The following SLC25A24 variants were observed in gnomAD, a reference collection of about 807,000 sequenced individuals.
SLC25A24 encodes solute carrier family 25 member 24.
In SLC25A24, 49 loss-of-function variants were observed where a neutral mutation model predicts 60.7. The observed-to-expected ratio is 0.81, with a 90% CI of 0.64 to 1.02. The LOEUF is 1.02. Among genes scored for constraint, SLC25A24 ranks in the 50% least tolerant of loss-of-function variants. The pLI is 0.00. For synonymous variants in SLC25A24, 202 were observed against 200.6 expected (o/e 1.01, Z -0.06); for missense variants, 564 against 586.3 (o/e 0.96, Z 0.39).
At chr1:108,183,578 T>C (rs1481253609) in intron 2 of SLC25A24, among the ~76,000 whole-genome samples, 1 of 152,200 alleles carries the variant, frequency 6.6e-6, no homozygotes, top group Non-Finnish European at 1.5e-5. Context: ...CCTCATTTAA[T>C]GTGTGCTGTT....
chr1:108,194,696 A>G (rs1023628884), intron 1 of SLC25A24, among the ~76,000 whole-genome samples: 3 of 152,254 alleles, frequency 2.0e-5, no homozygotes, highest in East Asian at 1.9e-4. Flanking sequence ...CCTACTTACT[A>G]TAGGGAGGGT....
At chr1:108,166,365 C>G (rs1680252525) in intron 3 of SLC25A24, among the ~76,000 whole-genome samples, 1 of 151,824 alleles carries the variant, frequency 6.6e-6, no homozygotes, top group Admixed American at 6.6e-5. Flanking sequence ...GGGAAGTTCT[C>G]CTGGATAATA....
rs829002 is a variant in SLC25A24 at position 108,157,694 on chromosome 1, G to C, written c.511-74C>G. The stretch of plus-strand genomic sequence containing the variant: ...CCAGAAGACGTTTTGTTTTAGAGAA[G>C]AATCATGTTATTTTACAGTTAATAT... On this transcript the variant is annotated intron_variant, in intron 4 of 9. Coordinates refer to ENST00000565488, the MANE Select transcript of SLC25A24 (RefSeq NM_013386.5). 301,223 of 1,496,018 alleles carry C rather than the reference G, an allele frequency of 0.2. 31,376 individuals are homozygous for C. The highest frequency in any genetic ancestry group is 0.22 in the Middle Eastern group (1,188 of 5,400). 92.7% of individuals were successfully genotyped at this position (1,496,018 alleles called of 1,614,324 possible).
At chr1:108,140,016 G>A (rs1679402389) in intron 8 of SLC25A24, among the ~76,000 whole-genome samples, 1 of 151,874 alleles carries the variant, frequency 6.6e-6, no homozygotes, top group Non-Finnish European at 1.5e-5. Context: ...GCAATAATTA[G>A]GAGAAACTGT....
chr1:108,146,679 G>A (rs914381119), intron 7 of SLC25A24, among the ~76,000 whole-genome samples: 2 of 152,134 alleles, frequency 1.3e-5, no homozygotes, highest in African/African-American at 2.4e-5. Context: ...ATAATCATGC[G>A]GTTTTTGTCA....
At chr1:108,175,784 G>T (rs1160319195) in intron 3 of SLC25A24, among the ~76,000 whole-genome samples, 8 of 152,118 alleles carry the variant, frequency 5.3e-5, no homozygotes, top group Non-Finnish European at 1.2e-4. Flanking sequence ...TTGCTGCTGG[G>T]ATTATAAAAT....
intron 8 of SLC25A24, among the ~76,000 whole-genome samples, chr1:108,141,613 C>T (rs1381498704): frequency 1.3e-5 from 2 of 152,090 alleles, no homozygotes; most frequent in African/African-American, 4.8e-5. Flanking sequence ...TAGAAACAAT[C>T]CAAATGTCCA....
chr1:108,156,859 G>C (rs779412090), intron 5 of SLC25A24, among the ~76,000 whole-genome samples: 68 of 152,190 alleles, frequency 4.5e-4, no homozygotes, highest in Non-Finnish European at 6.9e-4. Context: ...TAAAGGAAAA[G>C]TCAATTCTCT....
intron 1 of SLC25A24, among the ~76,000 whole-genome samples, chr1:108,188,613 T>A (rs1022814138): frequency 3.3e-5 from 5 of 152,230 alleles, no homozygotes; most frequent in African/African-American, 1.2e-4. Context: ...AGGGGCTTGC[T>A]GCCCGATGAA....
At chr1:108,147,269 A>G (rs961718698) in intron 7 of SLC25A24, among the ~76,000 whole-genome samples, 1 of 152,002 alleles carries the variant, frequency 6.6e-6, no homozygotes, top group Non-Finnish European at 1.5e-5. Flanking sequence ...TATCCCCTTT[A>G]TCATTTTTTA....
intron 6 of SLC25A24, 71 bp downstream of exon 6, chr1:108,154,912 T>C: frequency 2.6e-6 from 3 of 1,174,928 alleles, no homozygotes; most frequent in South Asian, 2.9e-5. Context: ...AAAAGCATTA[T>C]ACATTAACAT....
At chr1:108,182,705 T>C (rs1571306047) in intron 2 of SLC25A24, among the ~76,000 whole-genome samples, 1 of 151,986 alleles carries the variant, frequency 6.6e-6, no homozygotes, top group South Asian at 2.1e-4. Context: ...TGGTGGCAGG[T>C]GCCCATAATC....
intron 6 of SLC25A24, among the ~76,000 whole-genome samples, chr1:108,148,986 T>C (rs779528642): frequency 3.3e-5 from 5 of 152,212 alleles, no homozygotes; most frequent in South Asian, 2.1e-4. Context: ...GTCTCCCAGA[T>C]TGGACCAAGT....
rs761717059 is a variant in SLC25A24, at chr1:108,139,119, G to A, written c.1188C>T (p.Ser396=). 4.2e-5 allele frequency: 68 copies of A among 1,610,630 alleles called. No homozygotes were observed. Among genetic ancestry groups the A allele is most frequent in the Non-Finnish European group, 5.5e-5 (65 of 1,178,486 alleles). ...MVLLGCGALS[S]TCGQLASYPL... ...GGTAGCTGGCCAGCTGACCACAGGT[G>A]CTGGATAAGGCACCGCATCCCAGCA... The change falls in exon 9 of 10, where the codon AGC becomes AGT. Residue 396 remains serine (S), a synonymous_variant. Coordinates refer to ENST00000565488, the MANE Select transcript of SLC25A24 (RefSeq NM_013386.5).
At chr1:108,190,255 A>T (rs1648302702) in intron 1 of SLC25A24, among the ~76,000 whole-genome samples, 1 of 152,182 alleles carries the variant, frequency 6.6e-6, no homozygotes, top group Non-Finnish European at 1.5e-5. Flanking sequence ...GTTCATTAGA[A>T]ACGCGGCACC....
chr1:108,150,787 A>G (rs1679734677), intron 6 of SLC25A24, among the ~76,000 whole-genome samples: 1 of 151,306 alleles, frequency 6.6e-6, no homozygotes, highest in African/African-American at 2.5e-5. Flanking sequence ...CCCTTTCCCT[A>G]CACACAAACT....
chr1:108,161,845 G>A (rs983876320), intron 3 of SLC25A24, among the ~76,000 whole-genome samples: 2 of 151,522 alleles, frequency 1.3e-5, no homozygotes, highest in Admixed American at 1.3e-4. Flanking sequence ...TGTGCACAAT[G>A]TGCAGGTTAG....
chr1:108,196,932 G>C (rs1648516510), intron 1 of SLC25A24, among the ~76,000 whole-genome samples: 1 of 152,190 alleles, frequency 6.6e-6, no homozygotes, highest in Admixed American at 6.5e-5. Flanking sequence ...ATTAGTAATG[G>C]TTAAATACTG....
chr1:108,199,146 T>C (rs1350622968), intron 1 of SLC25A24: 16 of 152,188 alleles, frequency 1.1e-4, no homozygotes, highest in Admixed American at 1.0e-3. Flanking sequence ...TGAAGAGGCC[T>C]ATAACTACCA....
Sources: allele counts gnomAD v4.1 joint callset (sites outside exome capture counted in the v4.1 genomes callset), GRCh38; gene constraint gnomAD v4.1.1; transcripts MANE v1.5; gene names NCBI Gene and HGNC (gene_info 2026-07-23, HGNC 2026-07-21).